The following CACNA2D3 variants were observed in gnomAD, a reference collection of about 807,000 sequenced individuals.
CACNA2D3 encodes the protein calcium voltage-gated channel auxiliary subunit alpha2delta 3.
Under a neutral mutation model 160.6 loss-of-function variants are expected in CACNA2D3, and 60 were observed. The ratio of observed to expected loss-of-function variants is 0.37; its 90% CI spans 0.30 to 0.46. CACNA2D3 has a LOEUF of 0.46. Among genes scored for constraint, CACNA2D3 ranks in the 20% least tolerant of loss-of-function variants. The pLI, the probability that CACNA2D3 is intolerant of heterozygous loss-of-function variation, is 1.00. For synonymous variants in CACNA2D3, 558 were observed against 492.9 expected (o/e 1.13, Z -1.75); for missense variants, 1,205 against 1,365.0 (o/e 0.88, Z 1.85).
At chr3:54,850,194 A>G (rs530951414) in intron 17 of CACNA2D3, among the ~76,000 whole-genome samples, 37 of 152,294 alleles carry the variant, frequency 2.4e-4, no homozygotes, top group African/African-American at 8.4e-4. Flanking sequence ...TTCAGCAAGC[A>G]TTGCCCTTGT....
chr3:54,481,419 G>A (rs991835221), intron 4 of CACNA2D3, among the ~76,000 whole-genome samples: 6 of 152,144 alleles, frequency 3.9e-5, no homozygotes, highest in Non-Finnish European at 8.8e-5. Context: ...AAAACCTGTG[G>A]CTAATATTCC....
chr3:54,880,193 C>A (rs1009554463), intron 20 of CACNA2D3, among the ~76,000 whole-genome samples: 2 of 152,148 alleles, frequency 1.3e-5, no homozygotes, highest in Admixed American at 6.5e-5. Flanking sequence ...GTGGGTTTGC[C>A]AAATAGTCTC....
chr3:54,168,224 G>C (rs1700495600), intron 2 of CACNA2D3, among the ~76,000 whole-genome samples: 1 of 152,200 alleles, frequency 6.6e-6, no homozygotes, highest in Non-Finnish European at 1.5e-5. Flanking sequence ...GGGAGCCTCT[G>C]TACAGAATCT....
At chr3:54,362,217 C>G (rs78130494) in intron 3 of CACNA2D3, among the ~76,000 whole-genome samples, 1 of 152,146 alleles carries the variant, frequency 6.6e-6, no homozygotes, top group African/African-American at 2.4e-5. Context: ...ATCAAAGTGT[C>G]GGCGAGGACG....
At chr3:54,718,836 T>C in intron 11 of CACNA2D3, among the ~76,000 whole-genome samples, 1 of 152,126 alleles carries the variant, frequency 6.6e-6, no homozygotes, top group African/African-American at 2.4e-5. Flanking sequence ...TTATTTTCTT[T>C]CTGTAATATT....
chr3:54,986,316 T>A (rs1254356716), intron 30 of CACNA2D3, among the ~76,000 whole-genome samples: 1 of 152,102 alleles, frequency 6.6e-6, no homozygotes, highest in African/African-American at 2.4e-5. Flanking sequence ...ACCCAGTGAG[T>A]TTGCCAGCCT....
At chr3:55,047,961 A>G (rs201429795) in intron 35 of CACNA2D3, among the ~76,000 whole-genome samples, 131 of 146,822 alleles carry the variant, frequency 8.9e-4, no homozygotes, top group African/African-American at 3.2e-3. Flanking sequence ...GTATCCTGAG[A>G]CTTTGCTGAA....
At chr3:54,635,378 T>C (rs745757476) in intron 10 of CACNA2D3, among the ~76,000 whole-genome samples, 28 of 151,930 alleles carry the variant, frequency 1.8e-4, no homozygotes, top group African/African-American at 6.8e-4. Context: ...CCAGGAGATA[T>C]CAGCTATGAT....
chr3:54,258,622 T>C (rs1023798996), intron 2 of CACNA2D3, among the ~76,000 whole-genome samples: 56 of 152,174 alleles, frequency 3.7e-4, no homozygotes, highest in African/African-American at 1.2e-3. Flanking sequence ...AGAGCTTTCC[T>C]TTACACTTTG....
chr3:54,186,493 G>T (rs1700881234), intron 2 of CACNA2D3, among the ~76,000 whole-genome samples: 4 of 152,094 alleles, frequency 2.6e-5, no homozygotes, highest in Admixed American at 2.6e-4. Flanking sequence ...CATTGGGGAA[G>T]TATTTGAAAG....
chr3:54,970,918 A>G (rs1702264699), intron 29 of CACNA2D3, among the ~76,000 whole-genome samples: 1 of 152,048 alleles, frequency 6.6e-6, no homozygotes, highest in Non-Finnish European at 1.5e-5. Context: ...TATCATGAGG[A>G]CTTAAGAAAT....
rs747922863 is a variant in CACNA2D3, at chr3:54,616,765, C to G, written c.964-11022C>G. Among the ~76,000 whole-genome samples the G allele has an allele frequency of 4.2e-4, 64 of 152,160 alleles. 1 individual carries two copies. Among genetic ancestry groups the G allele is most frequent in the Non-Finnish European group, 7.1e-4 (48 of 68,028 alleles). Reference sequence around the variant, plus strand: ...GCTTGGATATAAGCTCCAGCTCTACCATTTATTAGCTGTGAGACCTAGTCA... The same window carrying G: ...GCTTGGATATAAGCTCCAGCTCTACGATTTATTAGCTGTGAGACCTAGTCA... On this transcript the variant is annotated intron_variant, in intron 9 of 37. Transcript: ENST00000474759.
Position 54,838,564 on chromosome 3 carries a change from A to G in CACNA2D3, c.1471-4A>G. ...TATTATAATTCAATGTTTATTTTCG[A>G]CAGAGATCGAAGGGCATTCTTCTGG... On this transcript the variant is annotated splice_polypyrimidine_tract_variant and splice_region_variant and intron_variant, in intron 15 of 37. Coordinates refer to ENST00000474759, the MANE Select transcript of CACNA2D3 (RefSeq NM_018398.3). The G allele has an allele frequency of 6.2e-7, 1 of 1,610,040 alleles. No homozygotes were observed. The highest frequency in any genetic ancestry group is 8.5e-7 in the Non-Finnish European group (1 of 1,176,344).
chr3:54,292,879 A>G (rs1181823652), intron 2 of CACNA2D3, among the ~76,000 whole-genome samples: 2 of 152,226 alleles, frequency 1.3e-5, no homozygotes, highest in Admixed American at 6.5e-5. Context: ...TGGCACAACA[A>G]TGTTCTTAGC....
intron 2 of CACNA2D3, among the ~76,000 whole-genome samples, chr3:54,272,085 G>T (rs1702634163): frequency 1.3e-5 from 2 of 152,084 alleles, no homozygotes; most frequent in African/African-American, 4.8e-5. Context: ...TTAAGTGCTG[G>T]GTCTGGATGG....
chr3:55,007,125 C>G lies in CACNA2D3; in HGVS notation c.2767-665C>G, dbSNP rs375501731. Among the ~76,000 whole-genome samples, 16 of 152,244 alleles carry G rather than the reference C, an allele frequency of 1.1e-4. No homozygotes were observed. The East Asian group carries it at 1.7e-3, about 17-fold the overall frequency. The stretch of plus-strand genomic sequence containing the variant: ...TGAATTATCCACATAGGAAATATCA[C>G]AGAGTAAACAATCCAACTGCTTTTT... On this transcript the variant is annotated intron_variant, in intron 32 of 37. Transcript: ENST00000474759.
At chr3:54,163,371 G>A (rs1248686418) in intron 2 of CACNA2D3, among the ~76,000 whole-genome samples, 1 of 152,180 alleles carries the variant, frequency 6.6e-6, no homozygotes, top group African/African-American at 2.4e-5. Flanking sequence ...TCATGAGTTG[G>A]CCATGGCTCT....
chr3:54,255,880 C>T (rs529178976), intron 2 of CACNA2D3, among the ~76,000 whole-genome samples: 61 of 152,114 alleles, frequency 4.0e-4, no homozygotes, highest in Non-Finnish European at 2.6e-4. Context: ...AATCATTTTA[C>T]CCCCCTGTAT....
At chr3:54,138,476 C>G (rs977972161) in intron 2 of CACNA2D3, among the ~76,000 whole-genome samples, 4 of 152,186 alleles carry the variant, frequency 2.6e-5, no homozygotes, top group Non-Finnish European at 1.5e-5. Flanking sequence ...GGTTATAGTG[C>G]CTGCCTCCTC....
Sources: allele counts gnomAD v4.1 joint callset (sites outside exome capture counted in the v4.1 genomes callset), GRCh38; gene constraint gnomAD v4.1.1; transcripts MANE v1.5; gene names NCBI Gene and HGNC (gene_info 2026-07-23, HGNC 2026-07-21).